Variants in USP48 observed in about 807,000 individuals in gnomAD.
USP48 encodes the protein ubiquitin carboxyl-terminal hydrolase 48.
USP48 carries 43 observed loss-of-function variants against 150.7 expected under a neutral mutation model. The observed-to-expected ratio is 0.29, with a 90% CI of 0.22 to 0.37. The LOEUF is 0.37. Ranked by LOEUF, USP48 falls within the 10% of genes least tolerant of loss-of-function variation. The pLI is 1.00. For synonymous variants in USP48, 396 were observed against 425.9 expected, an observed-to-expected ratio of 0.93 and a Z score of 0.86; for missense variants, 813 against 1,249.6, an observed-to-expected ratio of 0.65 and a Z score of 5.27.
chr1:21,713,810 C>A (rs903634982), intron 15 of USP48, among the ~76,000 whole-genome samples: 1 of 152,172 alleles, frequency 6.6e-6, no homozygotes, highest in Non-Finnish European at 1.5e-5. Context: ...CTCATCTTCT[C>A]CTGCTGTGCA....
chr1:21,724,196 G>A (rs754554114), intron 11 of USP48, 101 bp from the exon 12 acceptor site: 1 of 1,177,392 alleles, frequency 8.5e-7, no homozygotes, highest in Non-Finnish European at 1.2e-6. Flanking sequence ...TCTGTCCAGA[G>A]TTAGCAGAAT....
At chr1:21,772,419 T>G (rs2097883669) in intron 1 of USP48, among the ~76,000 whole-genome samples, 1 of 151,668 alleles carries the variant, frequency 6.6e-6, no homozygotes, top group African/African-American at 2.4e-5. Context: ...GTCAGGAGAT[T>G]GAGACCATCC....
chr1:21,680,085 G>A (rs904565344), intron 26 of USP48, among the ~76,000 whole-genome samples: 6 of 152,230 alleles, frequency 3.9e-5, no homozygotes, highest in Non-Finnish European at 8.8e-5. Context: ...CACAGCTGCA[G>A]CAAGAGGAAG....
chr1:21,741,750 AG>A (rs1414170496), intron 8 of USP48, among the ~76,000 whole-genome samples: 1 of 152,158 alleles, frequency 6.6e-6, no homozygotes, highest in Non-Finnish European at 1.5e-5. Flanking sequence ...CCGAGGCAAG[AG>A]GACTGCTTAA....
chr1:21,722,730 A>C (rs537596612), intron 12 of USP48, among the ~76,000 whole-genome samples: 3 of 152,074 alleles, frequency 2.0e-5, no homozygotes, highest in African/African-American at 7.2e-5. Flanking sequence ...CTGTGGTCCC[A>C]GCTACTTGGA....
At chr1:21,685,463 C>T (rs886323034) in intron 25 of USP48, among the ~76,000 whole-genome samples, 2 of 151,632 alleles carry the variant, frequency 1.3e-5, no homozygotes, top group Admixed American at 6.6e-5. Context: ...TACAGGCATG[C>T]GCTACTACGC....
At chr1:21,708,605 C>T (rs566100837) in intron 15 of USP48, among the ~76,000 whole-genome samples, 6 of 150,898 alleles carry the variant, frequency 4.0e-5, no homozygotes, top group Non-Finnish European at 5.9e-5. Flanking sequence ...GAAAACAGGC[C>T]GGGGGCAGTG....
chr1:21,721,188 A>C, intron 13 of USP48, 22 bp from the exon 14 acceptor site: 1 of 1,613,058 alleles, frequency 6.2e-7, no homozygotes, highest in South Asian at 1.1e-5. Flanking sequence ...AGAGAATGTT[A>C]AATCATATAA....
chr1:21,695,047 G>A lies in USP48; in HGVS notation c.2883+19C>T. The A allele has an allele frequency of 6.2e-7, 1 of 1,604,618 alleles. No individual in the cohort carries two copies. On this transcript the variant is annotated intron_variant, in intron 23 of 26. Coordinates refer to ENST00000308271, the MANE Select transcript of USP48 (RefSeq NM_032236.8). ...GCCCTTTTAAGTCCAGAGCAAACTT[G>A]AACAAATGTTTCCCTCACCTGAATT...
chr1:21,685,471 C>A (rs1164270082), intron 25 of USP48, among the ~76,000 whole-genome samples: 1 of 151,922 alleles, frequency 6.6e-6, no homozygotes, highest in South Asian at 2.1e-4. Context: ...TGCGCTACTA[C>A]GCCTGGTTAA....
At chr1:21,722,043 T>C (rs1234855083) in intron 12 of USP48, among the ~76,000 whole-genome samples, 2 of 152,116 alleles carry the variant, frequency 1.3e-5, no homozygotes, top group African/African-American at 4.8e-5. Flanking sequence ...ATGCAATCTT[T>C]ACAAGATGAT....
intron 15 of USP48, among the ~76,000 whole-genome samples, chr1:21,710,776 C>T (rs1489369981): frequency 6.6e-6 from 1 of 150,868 alleles, no homozygotes; most frequent in African/African-American, 2.4e-5. Context: ...CCTCATGAAA[C>T]ATCATCAAAT....
At position 21,706,182 on chromosome 1, in the gene USP48, C is replaced by T. The variant is rs146446399; in HGVS notation, c.2217G>A (p.Thr739=). ...ACTGAGACACGATGTAGAGGACATCCGTATCCTAGAACACAAAAATCACAA... is the reference window on the plus strand; with the variant it reads ...ACTGAGACACGATGTAGAGGACATCTGTATCCTAGAACACAAAAATCACAA... ...RPCLSNWPED[T]DVLYIVSQFF... Residue 739 remains threonine, a synonymous_variant, in exon 18 of 27, where the codon ACG becomes ACA. Transcript: ENST00000308271. 83 of 1,613,500 alleles carry T rather than the reference C, an allele frequency of 5.1e-5. 1 individual carries two copies. In the African/African-American group the frequency reaches 5.3e-4, roughly 10 times the overall value.
chr1:21,757,681 G>A lies in USP48; in HGVS notation c.237C>T (p.Asn79=), dbSNP rs1177371426. 1 of 1,612,222 alleles carries A rather than the reference G, an allele frequency of 6.2e-7. No homozygotes were observed. Among genetic ancestry groups the A allele is most frequent in the Non-Finnish European group, 8.5e-7 (1 of 1,179,434 alleles). The change falls in exon 2 of 27, where the codon AAC becomes AAT. Residue 79 remains asparagine, a synonymous_variant. Transcript: ENST00000308271. The part of the protein sequence containing the change: ...ENSFHNIDDP[N]CERRKKNSFV... ...GGTTTACCTTTTTTCTCCTCTCACA[G>A]TTGGGATCATCGATGTTATGAAAAC...
intron 24 of USP48, among the ~76,000 whole-genome samples, chr1:21,688,204 G>C (rs1304046369): frequency 6.6e-6 from 1 of 152,068 alleles, no homozygotes; most frequent in Non-Finnish European, 1.5e-5. Flanking sequence ...GGGCAAATGA[G>C]GCTGGTTCAA....
intron 8 of USP48, among the ~76,000 whole-genome samples, chr1:21,745,830 C>T (rs2097793247): frequency 6.6e-6 from 1 of 152,184 alleles, no homozygotes; most frequent in Non-Finnish European, 1.5e-5. Context: ...TTTCAATTGC[C>T]TGAACAAAGG....
chr1:21,759,242 A>C (rs1404004676), intron 1 of USP48, among the ~76,000 whole-genome samples: 4 of 151,744 alleles, frequency 2.6e-5, no homozygotes, highest in African/African-American at 9.7e-5. Flanking sequence ...TAAATTCAAA[A>C]CAGAGAAAAC....
chr1:21,725,517 C>T (rs546244168), intron 11 of USP48, among the ~76,000 whole-genome samples: 2 of 152,046 alleles, frequency 1.3e-5, no homozygotes, highest in East Asian at 1.9e-4. Context: ...TTTGGGAGGC[C>T]GAGGCGGGCA....
intron 12 of USP48, among the ~76,000 whole-genome samples, chr1:21,722,174 G>A (rs1484509360): frequency 2.0e-5 from 3 of 151,682 alleles, no homozygotes; most frequent in Non-Finnish European, 2.9e-5. Flanking sequence ...TGAAGGGCCT[G>A]GTTTAAAACA....
Sources: allele counts gnomAD v4.1 joint callset (sites outside exome capture counted in the v4.1 genomes callset), GRCh38; gene constraint gnomAD v4.1.1; transcripts MANE v1.5; gene names NCBI Gene and HGNC (gene_info 2026-07-23, HGNC 2026-07-21).